NCOA2: variants seen among roughly 807,000 people sequenced by gnomAD.
NCOA2 encodes the protein nuclear receptor coactivator 2.
Under a neutral mutation model 145.1 loss-of-function variants are expected in NCOA2, and 21 were observed. That is an observed-to-expected ratio of 0.14 (90% CI 0.10 to 0.21). NCOA2 has a LOEUF of 0.21. NCOA2 is among the 10% of genes least tolerant of loss of function. The pLI is 1.00. For synonymous variants in NCOA2, 619 were observed against 637.5 expected (o/e 0.97, Z 0.44); for missense variants, 1,472 against 1,837.6 (o/e 0.80, Z 3.64).
At position 70,124,043 on chromosome 8, in the gene NCOA2, T is replaced by G; in HGVS notation, c.4134A>C (p.Gln1378His). 6 of 1,613,968 alleles carry G rather than the reference T, an allele frequency of 3.7e-6. No homozygotes were observed. The highest frequency in any genetic ancestry group is 5.1e-6 in the Non-Finnish European group (6 of 1,179,848). ...SQQSPPHFGQ[Q>H]ANTSMYSNNM... is the part of the protein sequence containing the mutation. The stretch of plus-strand genomic sequence containing the variant: ...TGTTACTGTACATGCTGGTGTTTGC[T>G]TGCTGCCCAAAGTGTGGTGGGGACT... The change falls in exon 21 of 23, where the codon CAA becomes CAC. Residue 1378 changes from glutamine to histidine, a missense_variant. Physicochemically the swap from Gln to His is conservative, Grantham distance 24. This residue lies in a region of NCOA2 where 232 missense variants were observed against 290.6 expected (regional missense o/e 0.80). Coordinates refer to ENST00000452400, the MANE Select transcript of NCOA2 (RefSeq NM_006540.4).
At chr8:70,222,999 C>T (rs1039909897) in intron 2 of NCOA2, among the ~76,000 whole-genome samples, 32 of 152,242 alleles carry the variant, frequency 2.1e-4, no homozygotes, top group Admixed American at 6.5e-4. Context: ...TCAGCTGGTG[C>T]GAATATGGCC....
intron 4 of NCOA2, among the ~76,000 whole-genome samples, chr8:70,187,085 TA>T (rs1476001379): frequency 1.3e-5 from 2 of 152,178 alleles, no homozygotes; most frequent in Non-Finnish European, 2.9e-5. Flanking sequence ...TTAAAAAGAA[TA>T]CAAGGACTGG....
intron 2 of NCOA2, among the ~76,000 whole-genome samples, chr8:70,266,772 C>T (rs1024468815): frequency 1.3e-5 from 2 of 152,180 alleles, no homozygotes; most frequent in Non-Finnish European, 2.9e-5. Context: ...GGATGCCTAG[C>T]ATGTGACAGG....
chr8:70,315,828 C>T (rs1343044744), intron 1 of NCOA2, among the ~76,000 whole-genome samples: 1 of 152,186 alleles, frequency 6.6e-6, no homozygotes. Flanking sequence ...TCAAACAGGC[C>T]ACACGGCTGG....
intron 1 of NCOA2, among the ~76,000 whole-genome samples, chr8:70,311,781 G>A (rs541817180): frequency 1.3e-5 from 2 of 152,254 alleles, no homozygotes; most frequent in East Asian, 1.9e-4. Flanking sequence ...GTGACAAAAG[G>A]AGAGAGTGGC....
At chr8:70,196,911 T>C (rs1181081770) in intron 4 of NCOA2, among the ~76,000 whole-genome samples, 3 of 152,204 alleles carry the variant, frequency 2.0e-5, no homozygotes, top group African/African-American at 7.2e-5. Context: ...TTTTAAGGCC[T>C]CAACCTTACT....
chr8:70,401,853 C>G (rs1002325849), intron 1 of NCOA2: 1 of 152,244 alleles, frequency 6.6e-6, no homozygotes, highest in African/African-American at 2.4e-5. Context: ...ACAGCATATG[C>G]CATTTTAGAA....
In NCOA2 at chr8:70,148,606, GC is replaced by G. The variant is rs1248394461; in HGVS notation, c.2395-124del. 5.4e-5 allele frequency: 41 copies of G among 766,286 alleles called. 1 individual carries two copies. In the African/African-American group the frequency reaches 5.9e-4, roughly 11 times the overall value. The allele number at this position is 766,286 out of a possible 1,614,324, so 47.5% of individuals were successfully genotyped here. On this transcript the variant is annotated intron_variant, in intron 11 of 22. Coordinates refer to ENST00000452400, the MANE Select transcript of NCOA2 (RefSeq NM_006540.4). ...AGCCAAATAAAATAGGTAGATTCCT[GC>G]ATACCACAGGCCTAACAGATAATTG...
At chr8:70,133,458 C>G (rs149746133) in intron 15 of NCOA2, among the ~76,000 whole-genome samples, 133 of 152,128 alleles carry the variant, frequency 8.7e-4, no homozygotes, top group African/African-American at 3.1e-3. Flanking sequence ...CTCCTGGACT[C>G]AAGCAATCCT....
At chr8:70,270,364 G>A (rs1455281353) in intron 2 of NCOA2, among the ~76,000 whole-genome samples, 3 of 152,184 alleles carry the variant, frequency 2.0e-5, no homozygotes, top group South Asian at 2.1e-4. Context: ...ACTTTAAAGT[G>A]TAGTCCTTCA....
the NCOA2 span, among the ~76,000 whole-genome samples, chr8:70,440,475 G>A: frequency 6.6e-6 from 1 of 152,130 alleles, no homozygotes; most frequent in Non-Finnish European, 1.5e-5. Context: ...TCGGGAGGCT[G>A]AGGCACGAGA....
chr8:70,276,945 A>G (rs1825513870), intron 2 of NCOA2, among the ~76,000 whole-genome samples: 1 of 152,214 alleles, frequency 6.6e-6, no homozygotes, highest in Non-Finnish European at 1.5e-5. Context: ...TCTAAGTAAA[A>G]TAATTTCAGA....
intron 2 of NCOA2, among the ~76,000 whole-genome samples, chr8:70,224,343 TA>T (rs1586164042): frequency 1.3e-5 from 2 of 152,260 alleles, no homozygotes; most frequent in Non-Finnish European, 2.9e-5. Context: ...TTGGTTAATT[TA>T]AAAAGTCAGT....
At chr8:70,213,844 C>T (rs1185465658) in intron 4 of NCOA2, 59 bp downstream of exon 4, 7 of 1,414,980 alleles carry the variant, frequency 4.9e-6, no homozygotes, top group South Asian at 2.7e-5. Context: ...AGGGACTTCT[C>T]ACACAGGGAA....
In NCOA2 at chr8:70,147,123, CGCGCGTGT is replaced by C. The variant is rs746113499; in HGVS notation, c.2605+1142_2605+1149del. On this transcript the variant is annotated intron_variant, in intron 12 of 22. Coordinates refer to ENST00000452400, the MANE Select transcript of NCOA2 (RefSeq NM_006540.4). ...CATGCAAATCTTTCGCGCGCGCGCGCGCGCGTGTGTGTGTGTGTGTGTGTTCTGAGATG... is the reference window on the plus strand; with the variant it reads ...CATGCAAATCTTTCGCGCGCGCGCGCGTGTGTGTGTGTGTGTTCTGAGATG... 1.5e-3 allele frequency among the ~76,000 whole-genome samples: 222 copies of C among 146,322 alleles called. 4 individuals are homozygous for C. Among genetic ancestry groups the C allele is most frequent in the African/African-American group, 5.4e-3 (213 of 39,160 alleles).
chr8:70,195,816 A>C (rs991643564), intron 4 of NCOA2, among the ~76,000 whole-genome samples: 1 of 152,142 alleles, frequency 6.6e-6, no homozygotes, highest in Non-Finnish European at 1.5e-5. Flanking sequence ...CTGCTTCACC[A>C]CATTCCTTTA....
At chr8:70,371,225 C>T (rs1429463063) in intron 1 of NCOA2, among the ~76,000 whole-genome samples, 1 of 151,894 alleles carries the variant, frequency 6.6e-6, no homozygotes, top group African/African-American at 2.4e-5. Flanking sequence ...GGAGGTGGAG[C>T]TTGCAGTGAG....
chr8:70,170,973 T>G (rs1277676077), intron 5 of NCOA2, among the ~76,000 whole-genome samples: 1 of 152,198 alleles, frequency 6.6e-6, no homozygotes, highest in Admixed American at 6.5e-5. Flanking sequence ...GTCTCGGAAG[T>G]GTCTCTGATG....
intron 2 of NCOA2, among the ~76,000 whole-genome samples, chr8:70,287,101 G>C (rs372355630): frequency 3.0e-4 from 45 of 152,032 alleles, no homozygotes; most frequent in African/African-American, 1.1e-3. Context: ...AAAATTAGCC[G>C]GATGTGGTGG....
Sources: allele counts gnomAD v4.1 joint callset (sites outside exome capture counted in the v4.1 genomes callset), GRCh38; gene constraint gnomAD v4.1.1; regional missense constraint gnomAD v4.1.1; transcripts MANE v1.5; gene names NCBI Gene and HGNC (gene_info 2026-07-23, HGNC 2026-07-21).